CBFA2T2: variants seen among roughly 807,000 people sequenced by gnomAD.
CBFA2T2 encodes the protein CBFA2/RUNX1 partner transcriptional co-repressor 2, also known as protein CBFA2T2.
A neutral mutation model predicts 62.2 loss-of-function variants in CBFA2T2; 11 were observed. The ratio of observed to expected loss-of-function variants is 0.18; its 90% CI spans 0.11 to 0.29. The LOEUF is 0.29. Among genes scored for constraint, CBFA2T2 ranks in the 10% least tolerant of loss-of-function variants. The probability of loss-of-function intolerance (pLI) is 1.00; values close to 1 mark genes in which losing one functional copy is unlikely to be tolerated. For missense variants in CBFA2T2, 592 were observed against 774.1 expected (o/e 0.76, Z 2.79); for synonymous variants, 295 against 287.5 (o/e 1.03, Z -0.27).
At chr20:33,643,853 GTGTGTGTA>G (rs1307825656) in intron 10 of CBFA2T2, among the ~76,000 whole-genome samples, 3 of 120,806 alleles carry the variant, frequency 2.5e-5, no homozygotes, top group African/African-American at 9.6e-5. Context: ...GTGTGTGTGT[GTGTGTGTA>G]TATAATGTAT....
At chr20:33,560,320 T>C (rs2013039355) in intron 1 of CBFA2T2, among the ~76,000 whole-genome samples, 1 of 152,252 alleles carries the variant, frequency 6.6e-6, no homozygotes, top group Non-Finnish European at 1.5e-5. Context: ...ATTCATTTTC[T>C]TGTCAGCAGT....
chr20:33,505,994 G>A (rs951032579), intron 1 of CBFA2T2, among the ~76,000 whole-genome samples: 3 of 152,124 alleles, frequency 2.0e-5, no homozygotes, highest in African/African-American at 7.2e-5. Flanking sequence ...GGAGGCTGAG[G>A]CAGGAGAATT....
At chr20:33,492,729 C>A (rs550335410) in intron 1 of CBFA2T2, among the ~76,000 whole-genome samples, 1 of 151,802 alleles carries the variant, frequency 6.6e-6, no homozygotes. Context: ...CATGCTAGTC[C>A]GGAAGTCCTG....
intron 1 of CBFA2T2, among the ~76,000 whole-genome samples, chr20:33,544,960 T>C (rs377051496): frequency 2.4e-3 from 205 of 86,962 alleles, no homozygotes; most frequent in African/African-American, 7.1e-3. Context: ...TAGAATAGAA[T>C]AGAATAGAAT....
intron 1 of CBFA2T2, among the ~76,000 whole-genome samples, chr20:33,492,376 CCTTT>C (rs1475575863): frequency 3.3e-5 from 5 of 151,278 alleles, no homozygotes; most frequent in African/African-American, 9.7e-5. Flanking sequence ...AAGTAGTCTT[CCTTT>C]GTTTCTTTAC....
chr20:33,614,508 C>T (rs974280948), intron 3 of CBFA2T2, among the ~76,000 whole-genome samples: 11 of 152,140 alleles, frequency 7.2e-5, no homozygotes, highest in Non-Finnish European at 2.9e-5. Flanking sequence ...CACCATCCAT[C>T]TCCAAAACTC....
intron 1 of CBFA2T2, among the ~76,000 whole-genome samples, chr20:33,555,391 C>T (rs1342009475): frequency 6.6e-6 from 1 of 152,178 alleles, no homozygotes; most frequent in East Asian, 1.9e-4. Context: ...ACTTAATACC[C>T]ACAAGAGTGT....
At chr20:33,611,651 G>T (rs577464722) in intron 3 of CBFA2T2, among the ~76,000 whole-genome samples, 1 of 152,126 alleles carries the variant, frequency 6.6e-6, no homozygotes, top group East Asian at 1.9e-4. Context: ...GAGTAGTTGG[G>T]ACTACATGTG....
At chr20:33,632,641 T>C (rs1488020330) in intron 8 of CBFA2T2, among the ~76,000 whole-genome samples, 2 of 151,750 alleles carry the variant, frequency 1.3e-5, no homozygotes, top group Non-Finnish European at 2.9e-5. Flanking sequence ...GCTGAGTTTT[T>C]TTTTTTTCAG....
At chr20:33,558,126 C>A (rs146766266) in intron 1 of CBFA2T2, among the ~76,000 whole-genome samples, 2 of 151,040 alleles carry the variant, frequency 1.3e-5, no homozygotes, top group Admixed American at 1.3e-4. Context: ...TGCGCCTGGG[C>A]GCGCTCTCTC....
chr20:33,582,626 G>C (rs1160778423), intron 1 of CBFA2T2, among the ~76,000 whole-genome samples: 3 of 152,116 alleles, frequency 2.0e-5, no homozygotes, highest in Non-Finnish European at 2.9e-5. Context: ...TTCAAGACCA[G>C]CTTGGCCAGC....
Position 33,629,758 on chromosome 20 carries a change from C to T in CBFA2T2, c.1072C>T (p.Arg358Cys). 5.0e-6 allele frequency: 8 copies of T among 1,613,826 alleles called. No homozygotes were observed. Among genetic ancestry groups the T allele is most frequent in the Non-Finnish European group, 5.1e-6 (6 of 1,179,924 alleles). Residue 358 changes from arginine to cysteine, a missense_variant, in exon 8 of 11, where the codon CGC (arginine) becomes TGC (cysteine). Coordinates refer to ENST00000342704, the MANE Select transcript of CBFA2T2 (RefSeq NM_001032999.3). ...CIMEMVEKTRRSMAVLRRCQE... is the reference protein window; with the variant it reads ...CIMEMVEKTRCSMAVLRRCQE... ...TATGGAAATGGTAGAGAAAACAAGG[C>T]GCTCTATGGCAGTTCTGCGGCGCTG...
chr20:33,638,790 T>A (rs1293220988), intron 9 of CBFA2T2: 1 of 152,130 alleles, frequency 6.6e-6, no homozygotes, highest in South Asian at 2.1e-4. Context: ...CTCAAACATA[T>A]GGAATGTGTT....
chr20:33,632,091 T>A (rs2016475140), intron 8 of CBFA2T2, among the ~76,000 whole-genome samples: 1 of 152,156 alleles, frequency 6.6e-6, no homozygotes, highest in Non-Finnish European at 1.5e-5. Flanking sequence ...TGCTCTGTTG[T>A]CCAGGCTGGA....
intron 1 of CBFA2T2, among the ~76,000 whole-genome samples, chr20:33,500,943 C>T (rs1027955969): frequency 4.6e-5 from 7 of 152,126 alleles, no homozygotes; most frequent in African/African-American, 1.7e-4. Context: ...CAAGAAATGT[C>T]CATGCTAATT....
intron 1 of CBFA2T2, among the ~76,000 whole-genome samples, chr20:33,525,085 C>T (rs2146864786): frequency 6.6e-6 from 1 of 152,332 alleles, no homozygotes; most frequent in South Asian, 2.1e-4. Flanking sequence ...ATCCACCTGC[C>T]TTGGCCTCTC....
At chr20:33,609,597 T>A (rs757034504) in intron 2 of CBFA2T2, among the ~76,000 whole-genome samples, 1 of 152,136 alleles carries the variant, frequency 6.6e-6, no homozygotes, top group African/African-American at 2.4e-5. Context: ...AACAGCAGTA[T>A]GTGTCAAAGA....
chr20:33,552,662 G>A (rs1047522999), intron 1 of CBFA2T2, among the ~76,000 whole-genome samples: 2 of 152,200 alleles, frequency 1.3e-5, no homozygotes, highest in African/African-American at 4.8e-5. Context: ...GAGTTTGCAA[G>A]ATTATCTAAC....
At chr20:33,550,580 A>G (rs1009220601) in intron 1 of CBFA2T2, among the ~76,000 whole-genome samples, 4 of 152,060 alleles carry the variant, frequency 2.6e-5, no homozygotes, top group Non-Finnish European at 5.9e-5. Context: ...TGGTCAACAA[A>G]TAACTCAAAG....
Sources: allele counts gnomAD v4.1 joint callset (sites outside exome capture counted in the v4.1 genomes callset), GRCh38; gene constraint gnomAD v4.1.1; transcripts MANE v1.5; gene names NCBI Gene and HGNC (gene_info 2026-07-23, HGNC 2026-07-21).